Variants in PRPF8 observed in about 807,000 individuals in gnomAD.
PRPF8 encodes the protein pre-mRNA processing factor 8, also known as pre-mRNA-processing-splicing factor 8.
PRPF8 carries 64 observed loss-of-function variants against 285.9 expected under a neutral mutation model. The ratio of observed to expected loss-of-function variants is 0.22; its 90% CI spans 0.18 to 0.28. The LOEUF (loss-of-function observed/expected upper bound fraction) is 0.28. Among genes scored for constraint, PRPF8 ranks in the 10% least tolerant of loss-of-function variants. PRPF8 has a pLI of 1.00. For missense variants in PRPF8, 1,426 were observed against 3,026.7 expected (o/e 0.47, Z 12.41); for synonymous variants, 1,325 against 1,118.2 (o/e 1.18, Z -3.69).
chr17:1,654,180 A>T (rs1169777742), intron 37 of PRPF8, 164 bp from the exon 38 acceptor site: 3 of 1,018,630 alleles, frequency 2.9e-6, no homozygotes, highest in Non-Finnish European at 4.6e-6. Flanking sequence ...GTGCACTAAC[A>T]CTTCCAAGAT....
chr17:1,669,322 G>A (rs990195379), intron 24 of PRPF8, among the ~76,000 whole-genome samples: 3 of 152,138 alleles, frequency 2.0e-5, no homozygotes, highest in Admixed American at 6.5e-5. Flanking sequence ...GGCCAGGCTG[G>A]TCTCGAACTC....
At chr17:1,662,747 A>G (rs1597233788) in intron 24 of PRPF8, among the ~76,000 whole-genome samples, 3 of 149,228 alleles carry the variant, frequency 2.0e-5, no homozygotes, top group African/African-American at 4.9e-5. Context: ...AAATACAGAA[A>G]TTGAACCCAG....
chr17:1,661,524 A>G lies in PRPF8; in HGVS notation c.4202+87T>C, dbSNP rs1656565406. 2 of 1,608,450 alleles carry G rather than the reference A, an allele frequency of 1.2e-6. No homozygotes were observed. The highest frequency in any genetic ancestry group is 1.7e-6 in the Non-Finnish European group (2 of 1,177,590). On this transcript the variant is annotated intron_variant, in intron 26 of 42. Coordinates refer to ENST00000304992, the MANE Select transcript of PRPF8 (RefSeq NM_006445.4). This position sits in a 1 kb window ranked among gnomAD's most constrained non-coding sequence, Gnocchi z 7.3. The stretch of plus-strand genomic sequence containing the variant: ...CCAGCCTTCTCACCTCCATACAACC[A>G]TGGCATGCTCTGACCCTGAACTCCA...
chr17:1,673,625 G>A lies in PRPF8; in HGVS notation c.3447-58C>T. The A allele has an allele frequency of 6.2e-7, 1 of 1,611,278 alleles. No individual in the cohort carries two copies. On this transcript the variant is annotated intron_variant, in intron 22 of 42. Coordinates refer to ENST00000304992, the MANE Select transcript of PRPF8 (RefSeq NM_006445.4). This position sits in a 1 kb window ranked among gnomAD's most constrained non-coding sequence, Gnocchi z 5.5. ...TCTTGGAAGGAACTTCCCTTCAAAGGCCAACTGATGACATCCTGACACAGC... is the reference window on the plus strand; with the variant it reads ...TCTTGGAAGGAACTTCCCTTCAAAGACCAACTGATGACATCCTGACACAGC...
At chr17:1,683,894 T>G (rs1247315359) in intron 2 of PRPF8, among the ~76,000 whole-genome samples, 193 bp from the exon 3 acceptor site, 2 of 151,862 alleles carry the variant, frequency 1.3e-5, no homozygotes, top group Non-Finnish European at 2.9e-5. Context: ...CTGACTTTTT[T>G]TTTTTTTTTT....
Position 1,673,393 on chromosome 17 carries a change from G to A in PRPF8, c.3621C>T (p.Phe1207=). The A allele has an allele frequency of 6.2e-7, 1 of 1,614,112 alleles. No homozygotes were observed. The highest frequency in any genetic ancestry group is 8.5e-7 in the Non-Finnish European group (1 of 1,180,032). ...LPKCRTSYEE[F]THKDGVWNLQ... ...GGTTCCAGACCCCGTCCTTGTGGGTGAACTCCTCATAGCTGGTGCGGCACT... is the reference window on the plus strand; with the variant it reads ...GGTTCCAGACCCCGTCCTTGTGGGTAAACTCCTCATAGCTGGTGCGGCACT... The change falls in exon 23 of 43, where the codon TTC becomes TTT. Residue 1207 remains phenylalanine (F), a synonymous_variant. Transcript: ENST00000304992. This position sits in a 1 kb window ranked among gnomAD's most constrained non-coding sequence, Gnocchi z 5.5.
chr17:1,654,628 A>G (rs1911257218), intron 37 of PRPF8: 1 of 176,270 alleles, frequency 5.7e-6, no homozygotes, highest in Admixed American at 5.3e-5. Context: ...ACTCTGTAAG[A>G]TAATTTCTTT....
intron 37 of PRPF8, chr17:1,654,586 TC>T (rs1911254995): frequency 5.0e-6 from 1 of 200,480 alleles, no homozygotes; most frequent in African/African-American, 2.3e-5. Context: ...CCCATACTAT[TC>T]GAAGACACTG....
chr17:1,657,068 C>T (rs994757818), intron 34 of PRPF8, among the ~76,000 whole-genome samples: 1 of 152,078 alleles, frequency 6.6e-6, no homozygotes, highest in East Asian at 1.9e-4. Context: ...CACAAAAAAA[C>T]GTGTCTTAAG....
At chr17:1,672,822 T>C (rs1912398703) in intron 24 of PRPF8, 1 of 578,672 alleles carries the variant, frequency 1.7e-6, no homozygotes, top group Non-Finnish European at 3.1e-6. Flanking sequence ...AAATAATAAA[T>C]CCAACTTTTA....
Position 1,661,784 on chromosome 17 carries a change from G to C in PRPF8, c.4029C>G (p.Ser1343=). ...VLIPQSDLRW[S]KQTDVGITHF... The stretch of plus-strand genomic sequence containing the variant: ...GTGTGATACCTACATCTGTCTGTTT[G>C]GACCACCTGTTTGGGTGTACAACCA... Residue 1343 remains serine, a synonymous_variant, in exon 26 of 43, where the codon TCC becomes TCG. Coordinates refer to ENST00000304992, the MANE Select transcript of PRPF8 (RefSeq NM_006445.4). The surrounding 1 kb of genome is among the most constrained non-coding windows in gnomAD (Gnocchi z 7.3). 6.2e-7 allele frequency: 1 copy of C among 1,614,134 alleles called. No individual in the cohort carries two copies. Among genetic ancestry groups the C allele is most frequent in the South Asian group, 1.1e-5 (1 of 91,084 alleles).
rs1335666547 is a variant in PRPF8, at chr17:1,673,387, G to A, written c.3627C>T (p.His1209=). The A allele has an allele frequency of 6.2e-7, 1 of 1,614,124 alleles. No homozygotes were observed. The highest frequency in any genetic ancestry group is 1.7e-5 in the Admixed American group (1 of 60,008). Residue 1209 remains histidine, a synonymous_variant, in exon 23 of 43, where the codon CAC becomes CAT. Coordinates refer to ENST00000304992, the MANE Select transcript of PRPF8 (RefSeq NM_006445.4). The surrounding 1 kb of genome is among the most constrained non-coding windows in gnomAD (Gnocchi z 5.5). The part of the protein sequence containing the change: ...KCRTSYEEFT[H]KDGVWNLQNE... ...TCTGCAGGTTCCAGACCCCGTCCTT[G>A]TGGGTGAACTCCTCATAGCTGGTGC...
chr17:1,654,056 C>T (rs769104787), intron 37 of PRPF8, 40 bp from the exon 38 acceptor site: 2 of 1,613,896 alleles, frequency 1.2e-6, no homozygotes, highest in South Asian at 2.2e-5. Context: ...GGATCCCTTC[C>T]CCTTGGTCAC....
chr17:1,673,344 G>A lies in PRPF8; in HGVS notation c.3657+13C>T, dbSNP rs141542320. On this transcript the variant is annotated intron_variant, in intron 23 of 42. Transcript: ENST00000304992. The surrounding 1 kb of genome is among the most constrained non-coding windows in gnomAD (Gnocchi z 5.5). Reference sequence around the variant, plus strand: ...GCGCGTTCATGTCACTCCCAGCCCCGCCCAGGCTGTACCTCATTCTGCAGG... The same window carrying A: ...GCGCGTTCATGTCACTCCCAGCCCCACCCAGGCTGTACCTCATTCTGCAGG... 132 of 1,613,616 alleles carry A rather than the reference G, an allele frequency of 8.2e-5. 1 individual carries two copies. The East Asian group carries it at 1.8e-3, about 22-fold the overall frequency.
rs140008360 is a variant in PRPF8 at position 1,652,004 on chromosome 17, GT to G, written c.6370-217del. On this transcript the variant is annotated intron_variant, in intron 39 of 42. Transcript: ENST00000304992. ...ACCACATCAGAATCTCCTGAGTGGGGTCCAGGAATCTGCACTGCTCACAAGC... is the reference window on the plus strand; with the variant it reads ...ACCACATCAGAATCTCCTGAGTGGGGCCAGGAATCTGCACTGCTCACAAGC... The G allele has an allele frequency of 1.2e-4, 81 of 657,004 alleles. No individual in the cohort carries two copies. The East Asian group carries it at 1.9e-3, about 15-fold the overall frequency. The allele number at this position is 657,004 out of a possible 1,614,324, so 40.7% of individuals were successfully genotyped here. A position where few individuals can be genotyped will look rare whatever the true frequency, so the allele number is the denominator to read the frequency against.
intron 24 of PRPF8, among the ~76,000 whole-genome samples, chr17:1,668,038 C>T (rs999118913): frequency 6.6e-6 from 1 of 152,250 alleles, no homozygotes; most frequent in African/African-American, 2.4e-5. Context: ...TTAATTCTCA[C>T]AAAAGCCGTC....
Position 1,675,346 on chromosome 17 carries a change from A to G in PRPF8, c.2873-7T>C, listed in dbSNP as rs1485248279. On this transcript the variant is annotated splice_region_variant and splice_polypyrimidine_tract_variant and intron_variant, in intron 19 of 42. Transcript: ENST00000304992. The surrounding 1 kb of genome is among the most constrained non-coding windows in gnomAD (Gnocchi z 6.0). The stretch of plus-strand genomic sequence containing the variant: ...TCCTGCAGGTTATTGATGCCTGAGG[A>G]GTAGCAAGGCAGGTCTCCAGCAGGT... 1 of 1,614,098 alleles carries G rather than the reference A, an allele frequency of 6.2e-7. No individual in the cohort carries two copies. Among genetic ancestry groups the G allele is most frequent in the Admixed American group, 1.7e-5 (1 of 60,002 alleles).
chr17:1,675,551 G>A lies in PRPF8; in HGVS notation c.2872+69C>T. Reference sequence around the variant, plus strand: ...GAGAGTAAACCAATCATGCTACCCAGATGAGATTTTTGACGTAGAACTAAA... The same window carrying A: ...GAGAGTAAACCAATCATGCTACCCAAATGAGATTTTTGACGTAGAACTAAA... On this transcript the variant is annotated intron_variant, in intron 19 of 42. Coordinates refer to ENST00000304992, the MANE Select transcript of PRPF8 (RefSeq NM_006445.4). This position sits in a 1 kb window ranked among gnomAD's most constrained non-coding sequence, Gnocchi z 6.0. 5 of 1,589,332 alleles carry A rather than the reference G, an allele frequency of 3.1e-6. No homozygotes were observed. Among genetic ancestry groups the A allele is most frequent in the Non-Finnish European group, 4.3e-6 (5 of 1,158,048 alleles).
chr17:1,671,572 C>G (rs928291725), intron 24 of PRPF8, among the ~76,000 whole-genome samples: 1 of 152,096 alleles, frequency 6.6e-6, no homozygotes, highest in African/African-American at 2.4e-5. Flanking sequence ...AAAAATCAGG[C>G]CGGGTGTGGT....
Sources: gnomAD v4.1 joint callset for allele counts (sites outside exome capture counted in the v4.1 genomes callset) on GRCh38, gnomAD v4.1.1 for gene constraint, Gnocchi (gnomAD v3.1) non-coding constraint, MANE v1.5 for transcripts, NCBI Gene and HGNC (gene_info 2026-07-23, HGNC 2026-07-21) for gene names.